BTAF1: variants seen among roughly 807,000 people sequenced by gnomAD.
BTAF1 encodes the protein TATA-binding protein-associated factor 172.
In BTAF1, 38 loss-of-function variants were observed where a neutral mutation model predicts 227.1. The observed-to-expected ratio is 0.17, with a 90% CI of 0.13 to 0.22. BTAF1 has a LOEUF of 0.22. Among genes scored for constraint, BTAF1 ranks in the 10% least tolerant of loss-of-function variants. The pLI, the probability that BTAF1 is intolerant of heterozygous loss-of-function variation, is 1.00. For synonymous variants in BTAF1, 742 were observed against 751.9 expected (o/e 0.99, Z 0.21); for missense variants, 1,598 against 2,204.0 (o/e 0.73, Z 5.51).
intron 32 of BTAF1, 93 bp downstream of exon 32, chr10:92,014,122 C>T (rs1215245981): frequency 1.5e-6 from 2 of 1,363,104 alleles, no homozygotes; most frequent in African/African-American, 2.9e-5. Flanking sequence ...GGGGCTTAGC[C>T]TTTGGCTTTA....
chr10:91,998,127 C>CAAAAA (rs55642022), intron 25 of BTAF1, among the ~76,000 whole-genome samples: 5 of 99,408 alleles, frequency 5.0e-5, no homozygotes, highest in African/African-American at 1.8e-4. Context: ...GACTCCATCT[C>CAAAAA]AAAAAAAAAA....
At chr10:92,023,944 A>G (rs1347231689) in intron 34 of BTAF1, among the ~76,000 whole-genome samples, 1 of 152,192 alleles carries the variant, frequency 6.6e-6, no homozygotes, top group Non-Finnish European at 1.5e-5. Context: ...CCCAGCTCTT[A>G]GATTTTGAAC....
At chr10:92,027,026 C>T in intron 36 of BTAF1, 104 bp from the exon 37 acceptor site, 1 of 1,220,998 alleles carries the variant, frequency 8.2e-7, no homozygotes, top group Non-Finnish European at 1.1e-6. Context: ...AAATCCAACC[C>T]TAATTAGGTA....
At chr10:91,972,360 C>G (rs1847364419) in intron 14 of BTAF1, among the ~76,000 whole-genome samples, 1 of 152,056 alleles carries the variant, frequency 6.6e-6, no homozygotes, top group African/African-American at 2.4e-5. Flanking sequence ...CTCCTTGCTC[C>G]CTGCTCCCCT....
At chr10:91,992,442 C>A in intron 21 of BTAF1, 133 bp downstream of exon 21, 2 of 825,124 alleles carry the variant, frequency 2.4e-6, no homozygotes, top group Non-Finnish European at 3.6e-6. Context: ...TGGAGTACTC[C>A]AACAATATGA....
chr10:91,990,776 A>G (rs527615776), intron 20 of BTAF1, among the ~76,000 whole-genome samples: 1 of 150,730 alleles, frequency 6.6e-6, no homozygotes, highest in African/African-American at 2.4e-5. Flanking sequence ...CTGGGCAACA[A>G]GAGTGAAACT....
intron 1 of BTAF1, among the ~76,000 whole-genome samples, chr10:91,927,490 A>T (rs958500723): frequency 2.0e-5 from 3 of 152,162 alleles, no homozygotes; most frequent in Non-Finnish European, 2.9e-5. Context: ...TATCAGTCAT[A>T]ATATTTATAT....
chr10:91,951,331 A>T lies in BTAF1; in HGVS notation c.401-72A>T, dbSNP rs987526626. 7 of 1,436,394 alleles carry T rather than the reference A, an allele frequency of 4.9e-6. No homozygotes were observed. The Admixed American group carries it at 1.7e-4, about 36-fold the overall frequency. 89.0% of individuals were successfully genotyped at this position (1,436,394 alleles called of 1,614,324 possible). A position where few individuals can be genotyped will look rare whatever the true frequency, so the allele number is the denominator to read the frequency against. ...GCTTTGTGTATTTTTTTATTTTGAT[A>T]GAGTTTGATGTGCACGTATTAGAAA... On this transcript the variant is annotated intron_variant, in intron 4 of 37. Coordinates refer to ENST00000265990, the MANE Select transcript of BTAF1 (RefSeq NM_003972.3).
intron 1 of BTAF1, among the ~76,000 whole-genome samples, chr10:91,925,596 C>T (rs552196205): frequency 6.8e-6 from 1 of 148,114 alleles, no homozygotes; most frequent in Non-Finnish European, 1.5e-5. Context: ...ACTGCAAGCT[C>T]CGCATCCCGG....
intron 6 of BTAF1, among the ~76,000 whole-genome samples, chr10:91,954,636 C>T (rs1845972080): frequency 6.6e-6 from 1 of 152,130 alleles, no homozygotes; most frequent in African/African-American, 2.4e-5. Context: ...TAGCTCACTA[C>T]AGCCTCAAAC....
chr10:91,982,236 A>G lies in BTAF1; in HGVS notation c.2048+11A>G. The G allele has an allele frequency of 1.2e-6, 2 of 1,613,888 alleles. No homozygotes were observed. The highest frequency in any genetic ancestry group is 1.1e-5 in the South Asian group (1 of 91,066). ...AATGATGGCAGCCAAGTGAGTGTACATTAAGTGTCAGGTAGTCATACATTT... is the reference window on the plus strand; with the variant it reads ...AATGATGGCAGCCAAGTGAGTGTACGTTAAGTGTCAGGTAGTCATACATTT... On this transcript the variant is annotated intron_variant, in intron 17 of 37. Transcript: ENST00000265990.
rs1174338082 is a variant in BTAF1, at chr10:92,011,103, A to G, written c.4134A>G (p.Leu1378=). ...RLQHQVKRHN[L]IVASYDVVRN... The stretch of plus-strand genomic sequence containing the variant: ...AGCACCAAGTAAAAAGGCACAATCT[A>G]ATAGTGGCTTCATATGATGTTGTGA... Residue 1378 remains leucine, a synonymous_variant, in exon 29 of 38, where the codon CTA becomes CTG. Transcript: ENST00000265990. The G allele has an allele frequency of 9.3e-6, 15 of 1,606,926 alleles. No homozygotes were observed. The highest frequency in any genetic ancestry group is 1.3e-5 in the African/African-American group (1 of 74,562).
chr10:91,985,515 G>T (rs1265243167), intron 19 of BTAF1, among the ~76,000 whole-genome samples: 2 of 152,004 alleles, frequency 1.3e-5, no homozygotes, highest in Non-Finnish European at 2.9e-5. Context: ...GAGTGGAATT[G>T]CTAAATCATA....
Position 91,989,471 on chromosome 10 carries a change from C to G in BTAF1, c.2745C>G (p.Pro915=). The G allele has an allele frequency of 6.2e-7, 1 of 1,613,996 alleles. No individual in the cohort carries two copies. Residue 915 remains proline, a synonymous_variant, in exon 20 of 38, where the codon CCC becomes CCG. Coordinates refer to ENST00000265990, the MANE Select transcript of BTAF1 (RefSeq NM_003972.3). ...LQQCTTRTPC[P]NSKIIKNLCS... ...AGTGCACAACAAGGACGCCCTGTCCCAATTCAAAAATTATTAAAAACCTCT... is the reference window on the plus strand; with the variant it reads ...AGTGCACAACAAGGACGCCCTGTCCGAATTCAAAAATTATTAAAAACCTCT...
chr10:91,935,320 A>C (rs529431833), intron 1 of BTAF1, among the ~76,000 whole-genome samples: 1 of 152,180 alleles, frequency 6.6e-6, no homozygotes, highest in Non-Finnish European at 1.5e-5. Flanking sequence ...CTGCAGTGCC[A>C]CAGAACACTA....
chr10:91,924,691 AC>A (rs1404698656), intron 1 of BTAF1, among the ~76,000 whole-genome samples: 1 of 152,262 alleles, frequency 6.6e-6, no homozygotes, highest in African/African-American at 2.4e-5. Context: ...AAGATAAATC[AC>A]AGATCTTATA....
At position 92,028,902 on chromosome 10, in the gene BTAF1, G is replaced by T; in HGVS notation, c.5519G>T (p.Ser1840Ile). The T allele has an allele frequency of 6.3e-7, 1 of 1,589,644 alleles. No individual in the cohort carries two copies. The highest frequency in any genetic ancestry group is 8.5e-7 in the Non-Finnish European group (1 of 1,171,576). Residue 1840 changes from serine to isoleucine, a missense_variant, in exon 38 of 38, where the codon AGC (serine) becomes ATC (isoleucine). Around this residue, in one of 10 missense-constraint regions of BTAF1, gnomAD observed 79 missense variants for 97.9 expected, o/e 0.81. Coordinates refer to ENST00000265990, the MANE Select transcript of BTAF1 (RefSeq NM_003972.3). Reference protein sequence around the residue: ...WDQEQYDSEYSLENFMHSLK With the variant: ...WDQEQYDSEYILENFMHSLK Reference sequence around the variant, plus strand: ...CAAGAGCAGTATGATTCAGAGTACAGCCTGGAAAATTTTATGCATTCTCTC... The same window carrying T: ...CAAGAGCAGTATGATTCAGAGTACATCCTGGAAAATTTTATGCATTCTCTC...
chr10:91,957,096 T>TA (rs751329079), intron 7 of BTAF1, 129 bp from the exon 8 acceptor site: 4 of 579,096 alleles, frequency 6.9e-6, no homozygotes, highest in Non-Finnish European at 1.2e-5. Context: ...CTTAATTAGT[T>TA]AAAAAAATTA....
At position 92,013,496 on chromosome 10, in the gene BTAF1, G is replaced by T. The variant is rs144777681; in HGVS notation, c.4312-171G>T. 4.7e-3 allele frequency among the ~76,000 whole-genome samples: 710 copies of T among 152,270 alleles called. 3 individuals carry two copies. Among genetic ancestry groups the T allele is most frequent in the South Asian group, 0.015 (73 of 4,824 alleles). On this transcript the variant is annotated intron_variant, in intron 30 of 37. Coordinates refer to ENST00000265990, the MANE Select transcript of BTAF1 (RefSeq NM_003972.3). ...GATAGGATACAATATTCTCTCCAAGGATACTGACCTGAATTTTACACACTA... is the reference window on the plus strand; with the variant it reads ...GATAGGATACAATATTCTCTCCAAGTATACTGACCTGAATTTTACACACTA...
Sources: gnomAD v4.1 joint callset for allele counts (sites outside exome capture counted in the v4.1 genomes callset) on GRCh38, gnomAD v4.1.1 for gene constraint, gnomAD v4.1.1 regional missense constraint, MANE v1.5 for transcripts, NCBI Gene and HGNC (gene_info 2026-07-23, HGNC 2026-07-21) for gene names.